FAM234B: variants seen among roughly 807,000 people sequenced by gnomAD.
FAM234B encodes the protein family with sequence similarity 234 member B, also known as protein FAM234B.
A neutral mutation model predicts 69.3 loss-of-function variants in FAM234B; 33 were observed. The ratio of observed to expected loss-of-function variants is 0.48; its 90% CI spans 0.36 to 0.64. The LOEUF is 0.64. FAM234B is among the 30% of genes least tolerant of loss of function. FAM234B has a pLI of 0.00. For missense variants in FAM234B, 697 were observed against 769.7 expected (o/e 0.91, Z 1.12); for synonymous variants, 306 against 306.9 (o/e 1.00, Z 0.03).
rs779458655 is a variant in FAM234B, at chr12:13,055,845, T to C, written c.332T>C (p.Leu111Ser). Residue 111 changes from leucine (L) to serine (S), a missense_variant, in exon 2 of 13, where the codon TTG becomes TCG. By Grantham distance (145) the Leu-to-Ser change is moderately radical. Transcript: ENST00000197268. Reference protein sequence around the residue: ...YVRTSVFLLTLGISMILVLLC... With the variant: ...YVRTSVFLLTSGISMILVLLC... ...CGCACGTCTGTCTTCCTGCTGACTT[T>C]GGGGATCTCGATGATCCTGGTGCTC... 6.2e-7 allele frequency: 1 copy of C among 1,614,096 alleles called. No individual in the cohort carries two copies.
At chr12:13,069,062 C>T (rs1865072735) in intron 9 of FAM234B, among the ~76,000 whole-genome samples, 1 of 152,082 alleles carries the variant, frequency 6.6e-6, no homozygotes, top group Non-Finnish European at 1.5e-5. Context: ...TCAGAGAAGT[C>T]TGTGGTGACT....
At chr12:13,057,488 T>C (rs1392840084) in intron 2 of FAM234B, among the ~76,000 whole-genome samples, 1 of 152,122 alleles carries the variant, frequency 6.6e-6, no homozygotes, top group African/African-American at 2.4e-5. Context: ...ATGATGCTGC[T>C]AAGAACATTT....
chr12:13,064,450 G>T (rs1160078770), intron 5 of FAM234B, among the ~76,000 whole-genome samples: 1 of 152,140 alleles, frequency 6.6e-6, no homozygotes, highest in African/African-American at 2.4e-5. Context: ...TAACCATCCC[G>T]TCTGGCCGCT....
intron 3 of FAM234B, among the ~76,000 whole-genome samples, chr12:13,059,189 C>T (rs902612442): frequency 1.3e-5 from 2 of 152,162 alleles, no homozygotes; most frequent in African/African-American, 2.4e-5. Flanking sequence ...CCCTCCCCGC[C>T]GGGGTCACTG....
chr12:13,079,427 G>A (rs984857699), intron 11 of FAM234B, among the ~76,000 whole-genome samples: 4 of 152,146 alleles, frequency 2.6e-5, no homozygotes, highest in African/African-American at 7.2e-5. Flanking sequence ...AAGGTAAATC[G>A]CCTCTGTGAC....
intron 1 of FAM234B, among the ~76,000 whole-genome samples, chr12:13,051,277 T>G (rs950441205): frequency 1.3e-5 from 2 of 152,232 alleles, no homozygotes; most frequent in African/African-American, 2.4e-5. Flanking sequence ...GTACATAGCA[T>G]GATAAAAATG....
At chr12:13,065,449 G>A (rs1266057621) in intron 5 of FAM234B, among the ~76,000 whole-genome samples, 2 of 151,922 alleles carry the variant, frequency 1.3e-5, no homozygotes, top group African/African-American at 4.8e-5. Flanking sequence ...TCAACCTAAG[G>A]GAATTGTTTC....
chr12:13,065,857 A>G (rs1000810102), intron 5 of FAM234B, among the ~76,000 whole-genome samples: 1 of 152,216 alleles, frequency 6.6e-6, no homozygotes, highest in Non-Finnish European at 1.5e-5. Context: ...TATCTTGTCC[A>G]TAGAGTTCAT....
At chr12:13,073,214 C>G (rs1221419423) in intron 10 of FAM234B, among the ~76,000 whole-genome samples, 2 of 150,752 alleles carry the variant, frequency 1.3e-5, no homozygotes, top group Non-Finnish European at 2.9e-5. Context: ...AGGCAGGCCT[C>G]GAACTCCTGG....
intron 5 of FAM234B, among the ~76,000 whole-genome samples, chr12:13,066,438 T>A (rs3803097): frequency 0.24 from 36,832 of 152,068 alleles, 5,481 homozygotes; most frequent in East Asian, 0.53. Flanking sequence ...TTTGCCTGGC[T>A]CTAGTGAGGC....
Position 13,082,418 on chromosome 12 carries a change from G to A in FAM234B, c.*1788G>A, listed in dbSNP as rs181902201. 21 of 152,316 alleles carry A rather than the reference G, an allele frequency of 1.4e-4. No individual in the cohort carries two copies. Among genetic ancestry groups the A allele is most frequent in the African/African-American group, 5.1e-4 (21 of 41,564 alleles). The allele number at this position is 152,316 out of a possible 1,614,324, so 9.4% of individuals were successfully genotyped here. A position where few individuals can be genotyped will look rare whatever the true frequency, so the allele number is the denominator to read the frequency against. ...TCCAAGCATGCATGTTGCCTGGCCT[G>A]TAGATTGGCCTTATCAGGTTTCTGG... On this transcript the variant is annotated 3_prime_UTR_variant, in exon 13 of 13. Coordinates refer to ENST00000197268, the MANE Select transcript of FAM234B (RefSeq NM_020853.2).
chr12:13,080,030 T>C lies in FAM234B; in HGVS notation c.1863+21T>C, dbSNP rs1332521327. On this transcript the variant is annotated intron_variant, in intron 12 of 12. Coordinates refer to ENST00000197268, the MANE Select transcript of FAM234B (RefSeq NM_020853.2). ...ACGAGGTGAGTGGCTGCAGAAATAT[T>C]GTTCCTCTTGAGGGTTTAGGACAAA... The C allele has an allele frequency of 3.3e-6, 5 of 1,538,152 alleles. No homozygotes were observed. The East Asian group carries it at 9.1e-5, about 28-fold the overall frequency.
intron 1 of FAM234B, among the ~76,000 whole-genome samples, chr12:13,049,930 G>A (rs567875026): frequency 1.1e-4 from 16 of 152,140 alleles, no homozygotes; most frequent in Admixed American, 9.2e-4. Flanking sequence ...TGGGGCGGTT[G>A]TTTGACAGCC....
At chr12:13,053,865 A>C (rs1215425173) in intron 1 of FAM234B, among the ~76,000 whole-genome samples, 1 of 152,132 alleles carries the variant, frequency 6.6e-6, no homozygotes, top group Non-Finnish European at 1.5e-5. Flanking sequence ...CAGAGCGACC[A>C]TTTGTAGACC....
At chr12:13,066,540 G>A in intron 5 of FAM234B, 100 bp from the exon 6 acceptor site, 1 of 1,315,460 alleles carries the variant, frequency 7.6e-7, no homozygotes, top group Non-Finnish European at 1.0e-6. Context: ...GTGTTTCTGA[G>A]CCCGTGGCTT....
At chr12:13,062,536 C>T (rs1864994888) in intron 4 of FAM234B, 2 of 230,660 alleles carry the variant, frequency 8.7e-6, no homozygotes, top group Non-Finnish European at 1.7e-5. Flanking sequence ...TAATCTCTAA[C>T]AGACAGTTCC....
intron 2 of FAM234B, among the ~76,000 whole-genome samples, chr12:13,057,298 C>T (rs1235778898): frequency 6.6e-6 from 1 of 152,076 alleles, no homozygotes; most frequent in East Asian, 1.9e-4. Flanking sequence ...TTCTTTGTGC[C>T]ACTTAATTTT....
rs149209491 is a variant in FAM234B at position 13,062,197 on chromosome 12, A to G, written c.721+434A>G. On this transcript the variant is annotated intron_variant, in intron 4 of 12. Transcript: ENST00000197268. ...GACTGGCCTTTTAGCTTCTTACTGCATTCAGACATACATGACAAAAGGGAA... is the reference window on the plus strand; with the variant it reads ...GACTGGCCTTTTAGCTTCTTACTGCGTTCAGACATACATGACAAAAGGGAA... The G allele has an allele frequency of 6.3e-3, 1,022 of 162,040 alleles. 14 individuals are homozygous for G. The highest frequency in any genetic ancestry group is 0.023 in the African/African-American group (978 of 41,710). The allele number at this position is 162,040 out of a possible 1,614,324, so 10.0% of individuals were successfully genotyped here.
chr12:13,065,582 T>G (rs573367315), intron 5 of FAM234B, among the ~76,000 whole-genome samples: 1 of 152,360 alleles, frequency 6.6e-6, no homozygotes, highest in South Asian at 2.1e-4. Context: ...TAATTATTAA[T>G]AGACCAGTTT....
Sources: allele counts gnomAD v4.1 joint callset (sites outside exome capture counted in the v4.1 genomes callset), GRCh38; gene constraint gnomAD v4.1.1; transcripts MANE v1.5; gene names NCBI Gene and HGNC (gene_info 2026-07-23, HGNC 2026-07-21).